The following FLG variants were observed in gnomAD, a reference collection of about 807,000 sequenced individuals.
FLG encodes the protein epidermal filaggrin.
In FLG, 6 loss-of-function variants were observed where a neutral mutation model predicts 3.8. The observed-to-expected ratio is 1.60, with a 90% confidence interval of 0.87 to 3.15. FLG has a LOEUF of 3.15. FLG is among the 30% of genes most tolerant of loss of function. The pLI is 0.00. For missense variants in FLG, 7,595 were observed against 5,050.9 expected, an observed-to-expected ratio of 1.50 and a Z score of -15.27; for synonymous variants, 2,551 against 1,931.6, an observed-to-expected ratio of 1.32 and a Z score of -8.41.
Position 152,306,862 on chromosome 1 carries a change from G to C in FLG, c.8024C>G (p.Ala2675Gly). ...SRHSGIGHGQ[A>G]SSAVRDSGHR... Reference sequence around the variant, plus strand: ...TCCACTGTCTCTGACTGCAGATGAAGCTTGTCCGTGCCCAATGCCTGAGTG... The same window carrying C: ...TCCACTGTCTCTGACTGCAGATGAACCTTGTCCGTGCCCAATGCCTGAGTG... Residue 2675 changes from alanine to glycine, a missense_variant, in exon 3 of 3, where the codon GCT (alanine) becomes GGT (glycine). Ala to Gly is a moderately conservative substitution (Grantham distance 60). Coordinates refer to ENST00000368799, the MANE Select transcript of FLG (RefSeq NM_002016.2). 7.9e-7 allele frequency: 1 copy of C among 1,270,124 alleles called. No individual in the cohort carries two copies. Among genetic ancestry groups the C allele is most frequent in the South Asian group, 1.3e-5 (1 of 78,714 alleles). 78.7% of individuals were successfully genotyped at this position (1,270,124 alleles called of 1,614,324 possible). A position where few individuals can be genotyped will look rare whatever the true frequency, so the allele number is the denominator to read the frequency against.
chr1:152,311,652 TG>T lies in FLG; in HGVS notation c.3233del (p.Ser1078Ter). The T allele has an allele frequency of 6.2e-7, 1 of 1,614,158 alleles. No homozygotes were observed. The highest frequency in any genetic ancestry group is 8.5e-7 in the Non-Finnish European group (1 of 1,180,032). ...GSQASDSEGH[S>X]EESDTQSVSG... ...ACACTGACTGTGTGTCTGACTCCTC[TG>T]AATGTCCCTCACTATCACTGGCCTG... On this transcript the variant is annotated frameshift_variant, in exon 3 of 3. Transcript: ENST00000368799. LOFTEE classifies it low-confidence loss of function (END_TRUNC).
At position 152,304,807 on chromosome 1, in the gene FLG, T is replaced by G; in HGVS notation, c.10079A>C (p.Gln3360Pro). Residue 3360 changes from glutamine (Q) to proline (P), a missense_variant, in exon 3 of 3, where the codon CAG becomes CCG. Transcript: ENST00000368799. ...SDTQSVSGHG[Q>P]AGPHQQSHQE... ...GTGGCTCTGCTGATGGGGCCCAGCC[T>G]GTCCATGGCCTGACACTGACTGTGT... The G allele has an allele frequency of 6.2e-7, 1 of 1,613,952 alleles. No homozygotes were observed. Among genetic ancestry groups the G allele is most frequent in the Non-Finnish European group, 8.5e-7 (1 of 1,179,976 alleles).
At chr1:152,325,135 G>A (rs1653107671) in intron 1 of FLG, 54 bp downstream of exon 1, 1 of 151,840 alleles carries the variant, frequency 6.6e-6, no homozygotes, top group African/African-American at 2.4e-5. Context: ...CATACATTCA[G>A]ATTTCCACCT....
Position 152,303,183 on chromosome 1 carries a change from G to A in FLG, c.11703C>T (p.His3901=), listed in dbSNP as rs1239224784. 16 of 1,614,138 alleles carry A rather than the reference G, an allele frequency of 9.9e-6. No homozygotes were observed. The highest frequency in any genetic ancestry group is 1.3e-5 in the Non-Finnish European group (15 of 1,180,040). The change falls in exon 3 of 3, where the codon CAC becomes CAT. Residue 3901 remains histidine, a synonymous_variant. Transcript: ENST00000368799. Reference sequence around the variant, plus strand: ...CTGTATCGCGGTGAGAGGATCCGGGGTGTCTGGAGCCATCTCTTGACTGCT... The same window carrying A: ...CTGTATCGCGGTGAGAGGATCCGGGATGTCTGGAGCCATCTCTTGACTGCT... ...SREQSRDGSR[H]PGSSHRDTAS...
chr1:152,303,769 C>T lies in FLG; in HGVS notation c.11117G>A (p.Arg3706His), dbSNP rs376468916. The T allele has an allele frequency of 8.9e-5, 143 of 1,613,714 alleles. No homozygotes were observed. The South Asian group carries it at 1.2e-3, about 13-fold the overall frequency. The change falls in exon 3 of 3, where the codon CGT becomes CAT. Residue 3706 changes from arginine to histidine, a missense_variant. Physicochemically the swap from Arg to His is conservative, Grantham distance 29. Coordinates refer to ENST00000368799, the MANE Select transcript of FLG (RefSeq NM_002016.2). ...TRGRSAGRSG[R>H]SGSFLYQVST... Reference sequence around the variant, plus strand: ...CACCTGGTAGAGGAAAGACCCTGAACGTCCAGACCTTCCTGCTGACCGGCC... The same window carrying T: ...CACCTGGTAGAGGAAAGACCCTGAATGTCCAGACCTTCCTGCTGACCGGCC...
chr1:152,312,999 T>G lies in FLG; in HGVS notation c.1887A>C (p.Gly629=). 6.2e-7 allele frequency: 1 copy of G among 1,613,942 alleles called. No individual in the cohort carries two copies. Among genetic ancestry groups the G allele is most frequent in the Non-Finnish European group, 8.5e-7 (1 of 1,180,006 alleles). The change falls in exon 3 of 3, where the codon GGA becomes GGC. Residue 629 remains glycine, a synonymous_variant. Coordinates refer to ENST00000368799, the MANE Select transcript of FLG (RefSeq NM_002016.2). ...SSVSQDSDSQ[G]HSEDSERWSG... ...ACCACCTCTCAGAGTCTTCTGAGTGTCCCTGACTGTCACTGTCCTGGCTAA... is the reference window on the plus strand; with the variant it reads ...ACCACCTCTCAGAGTCTTCTGAGTGGCCCTGACTGTCACTGTCCTGGCTAA...
intron 1 of FLG, among the ~76,000 whole-genome samples, chr1:152,318,129 C>T (rs1480111639): frequency 2.6e-5 from 4 of 151,890 alleles, no homozygotes; most frequent in African/African-American, 9.7e-5. Flanking sequence ...CACCCTCCCC[C>T]AACATTTCTC....
Position 152,304,585 on chromosome 1 carries a change from A to T in FLG, c.10301T>A (p.Ile3434Asn), listed in dbSNP as rs773319066. The T allele has an allele frequency of 6.2e-7, 1 of 1,609,152 alleles. No homozygotes were observed. The highest frequency in any genetic ancestry group is 2.2e-5 in the East Asian group (1 of 44,494). Residue 3434 changes from isoleucine to asparagine, a missense_variant, in exon 3 of 3, where the codon ATT becomes AAT. Transcript: ENST00000368799. ...HSASQEGQDT[I>N]RGHPGSSRRG... ...TCTGCTTGACCCCGGGTGTCCACGA[A>T]TGGTGTCCTGACCCTCTTGGGACGC...
chr1:152,312,139 G>T lies in FLG; in HGVS notation c.2747C>A (p.Ala916Asp). ...SRHSGSRHHEASSHADISRHS... is the reference protein window; with the variant it reads ...SRHSGSRHHEDSSHADISRHS... ...TCTAGAGATGTCGGCATGAGAGGAA[G>T]CTTCATGGTGACGTGACCCTGAGTG... is the stretch of plus-strand genomic sequence containing the variant. The change falls in exon 3 of 3, where the codon GCT (alanine) becomes GAT (aspartate). Residue 916 changes from alanine to aspartate, a missense_variant. By Grantham distance (126) the Ala-to-Asp change is moderately radical (BLOSUM62 -2). Coordinates refer to ENST00000368799, the MANE Select transcript of FLG (RefSeq NM_002016.2). 6.2e-7 allele frequency: 1 copy of T among 1,614,040 alleles called. No homozygotes were observed. Among genetic ancestry groups the T allele is most frequent in the South Asian group, 1.1e-5 (1 of 91,070 alleles).
At chr1:152,315,284 A>G (rs762508605) in intron 2 of FLG, 35 bp downstream of exon 2, 3 of 1,606,230 alleles carry the variant, frequency 1.9e-6, no homozygotes, top group East Asian at 4.5e-5. Flanking sequence ...GAGAAAAACA[A>G]ATGCTCTATC....
rs1460194134 is a variant in FLG, at chr1:152,306,630, A to C, written c.8256T>G (p.His2752Gln). ...VSTHEQSESS[H>Q]GWTGPSTRGR... ...CTCTAGTGCTGGGCCCCGTCCATCC[A>C]TGGGAGGACTCAGACTGTTCATGAG... Residue 2752 changes from histidine to glutamine, a missense_variant, in exon 3 of 3, where the codon CAT (histidine) becomes CAG (glutamine). By Grantham distance (24) the His-to-Gln change is conservative. Transcript: ENST00000368799. 1 of 1,604,938 alleles carries C rather than the reference A, an allele frequency of 6.2e-7. No individual in the cohort carries two copies. Among genetic ancestry groups the C allele is most frequent in the Admixed American group, 1.7e-5 (1 of 59,708 alleles).
chr1:152,304,195 C>A lies in FLG; in HGVS notation c.10691G>T (p.Arg3564Leu), dbSNP rs7518080. The change falls in exon 3 of 3, where the codon CGT (arginine) becomes CTT (leucine). Residue 3564 changes from arginine to leucine, a missense_variant. Coordinates refer to ENST00000368799, the MANE Select transcript of FLG (RefSeq NM_002016.2). Reference protein sequence around the residue: ...RWSGSASRNHRGSAQEQSRDG... With the variant: ...RWSGSASRNHLGSAQEQSRDG... ...TCTTGACTGCTCCTGAGCAGATCCA[C>A]GATGGTTTCTGGAAGCAGACCCAGA... The A allele has an allele frequency of 0.049, 76,592 of 1,552,710 alleles. 2,201 individuals carry two copies. The highest frequency in any genetic ancestry group is 0.058 in the Non-Finnish European group (67,502 of 1,156,510).
rs372978386 is a variant in FLG at position 152,307,179 on chromosome 1, C to T, written c.7707G>A (p.Gln2569=). ...TSRNWGSSFS[Q]DSDSQGHSED... ...CTGAGTGTCCCTGACTGTCACTGTC[C>T]TGGCTAAAACTGGATCCCCAGTTCC... The change falls in exon 3 of 3, where the codon CAG becomes CAA. Residue 2569 remains glutamine (Q), a synonymous_variant. Coordinates refer to ENST00000368799, the MANE Select transcript of FLG (RefSeq NM_002016.2). The T allele has an allele frequency of 2.6e-5, 42 of 1,612,860 alleles. No homozygotes were observed. The highest frequency in any genetic ancestry group is 3.6e-5 in the Non-Finnish European group (42 of 1,179,962).
intron 1 of FLG, among the ~76,000 whole-genome samples, chr1:152,321,984 G>A (rs1652993296): frequency 6.6e-6 from 1 of 150,916 alleles, no homozygotes; most frequent in Non-Finnish European, 1.5e-5. Context: ...ATTCATTTTT[G>A]GATTAACATT....
At position 152,311,349 on chromosome 1, in the gene FLG, G is replaced by A; in HGVS notation, c.3537C>T (p.Ser1179=). 1.2e-6 allele frequency: 2 copies of A among 1,613,734 alleles called. No individual in the cohort carries two copies. Among genetic ancestry groups the A allele is most frequent in the Non-Finnish European group, 1.7e-6 (2 of 1,179,968 alleles). The change falls in exon 3 of 3, where the codon TCC becomes TCT. Residue 1179 remains serine (S), a synonymous_variant. Transcript: ENST00000368799. Reference sequence around the variant, plus strand: ...ATCTATCTACCGATTGCTCATGGTGGGATCCCTGCCTTCCTCCTCTCCTTG... The same window carrying A: ...ATCTATCTACCGATTGCTCATGGTGAGATCCCTGCCTTCCTCCTCTCCTTG... ...PGSRRGGRQG[S]HHEQSVDRSG...
At chr1:152,320,648 G>A (rs1055111378) in intron 1 of FLG, among the ~76,000 whole-genome samples, 3 of 150,954 alleles carry the variant, frequency 2.0e-5, no homozygotes, top group Non-Finnish European at 4.5e-5. Flanking sequence ...CTCAGCAACT[G>A]ATAGAAGAAG....
chr1:152,310,543 T>C lies in FLG; in HGVS notation c.4343A>G (p.His1448Arg). ...SRSFLYQVSSHEQSESTHGQT... is the reference protein window; with the variant it reads ...SRSFLYQVSSREQSESTHGQT... ...TCCGTGTGTGGACTCAGACTGTTCA[T>C]GAGAGCTCACCTGGTAGAGGAAAGA... is the stretch of plus-strand genomic sequence containing the variant. Residue 1448 changes from histidine to arginine, a missense_variant, in exon 3 of 3, where the codon CAT (histidine) becomes CGT (arginine). By Grantham distance (29) the His-to-Arg change is conservative. Coordinates refer to ENST00000368799, the MANE Select transcript of FLG (RefSeq NM_002016.2). 1.9e-6 allele frequency: 3 copies of C among 1,613,798 alleles called. No individual in the cohort carries two copies. The highest frequency in any genetic ancestry group is 1.6e-4 in the Middle Eastern group (1 of 6,062).
chr1:152,314,816 A>T, intron 2 of FLG, 69 bp from the exon 3 acceptor site: 1 of 1,594,590 alleles, frequency 6.3e-7, no homozygotes, highest in Non-Finnish European at 8.5e-7. Flanking sequence ...ATTAATTCAA[A>T]GTTAATTTAA....
chr1:152,310,516 T>C lies in FLG; in HGVS notation c.4370A>G (p.Gln1457Arg). ...SHEQSESTHG[Q>R]TAPSTGGRQG... is the part of the protein sequence containing the mutation. ...TCTTCCTCCAGTGCTGGGTGCAGTCTGTCCGTGTGTGGACTCAGACTGTTC... is the reference window on the plus strand; with the variant it reads ...TCTTCCTCCAGTGCTGGGTGCAGTCCGTCCGTGTGTGGACTCAGACTGTTC... The change falls in exon 3 of 3, where the codon CAG becomes CGG. Residue 1457 changes from glutamine (Q) to arginine (R), a missense_variant. Gln to Arg is a conservative substitution (Grantham distance 43, BLOSUM62 1). Transcript: ENST00000368799. The C allele has an allele frequency of 6.2e-7, 1 of 1,613,878 alleles. No individual in the cohort carries two copies. The highest frequency in any genetic ancestry group is 8.5e-7 in the Non-Finnish European group (1 of 1,179,908).
Sources: allele counts gnomAD v4.1 joint callset (sites outside exome capture counted in the v4.1 genomes callset), GRCh38; gene constraint gnomAD v4.1.1; transcripts MANE v1.5; gene names NCBI Gene and HGNC (gene_info 2026-07-23, HGNC 2026-07-21).